Variants in PREX2 observed in about 807,000 individuals in gnomAD.
PREX2 encodes phosphatidylinositol-3,4,5-trisphosphate dependent Rac exchange factor 2, also known as phosphatidylinositol 3,4,5-trisphosphate-dependent Rac exchanger 2 protein.
In PREX2, 107 loss-of-function variants were observed where a neutral mutation model predicts 203.2. The ratio of observed to expected loss-of-function variants is 0.53; its 90% CI spans 0.45 to 0.62. PREX2 has a LOEUF of 0.62. Ranked by LOEUF, PREX2 falls within the 20% of genes least tolerant of loss-of-function variation. PREX2 has a pLI of 0.00. For synonymous variants in PREX2, 672 were observed against 663.6 expected, an observed-to-expected ratio of 1.01 and a Z score of -0.19; for missense variants, 1,777 against 1,955.9, an observed-to-expected ratio of 0.91 and a Z score of 1.72.
rs1227158413 is a variant in PREX2, at chr8:68,087,619, A to G, written c.2028-105A>G. 1.9e-4 allele frequency: 157 copies of G among 846,848 alleles called. No individual in the cohort carries two copies. The East Asian group carries it at 3.7e-3, about 20-fold the overall frequency. The allele number at this position is 846,848 out of a possible 1,614,324, so 52.5% of individuals were successfully genotyped here. On this transcript the variant is annotated intron_variant, in intron 18 of 39. Transcript: ENST00000288368. ...TAGCCCAACATCTTTCACACTGTAG[A>G]TCCTCAATATGTATTTATTGAGAGG...
chr8:68,034,812 C>T (rs1807982813), intron 6 of PREX2, among the ~76,000 whole-genome samples: 1 of 152,088 alleles, frequency 6.6e-6, no homozygotes, highest in East Asian at 1.9e-4. Flanking sequence ...TGTGAGTCTT[C>T]CAGAGCTTAG....
chr8:68,047,510 C>T (rs55822545), intron 8 of PREX2, among the ~76,000 whole-genome samples: 954 of 74,368 alleles, frequency 0.013, 31 homozygotes, highest in African/African-American at 0.037. Context: ...TATATATACA[C>T]ATACATATAT....
rs140825348 is a variant in PREX2 at position 68,184,903 on chromosome 8, G to C, written c.4347-6819G>C. 2.8e-4 allele frequency among the ~76,000 whole-genome samples: 43 copies of C among 152,252 alleles called. No individual in the cohort carries two copies. In the East Asian group the frequency reaches 7.5e-3, roughly 27 times the overall value. On this transcript the variant is annotated intron_variant, in intron 35 of 39. Transcript: ENST00000288368. ...GTGTGAAAAAGTGAGCATCCCTGGA[G>C]CACCAGCTTAACCCTATTGAGCTAG...
chr8:68,016,138 G>C (rs1377607547), intron 1 of PREX2, among the ~76,000 whole-genome samples: 1 of 152,064 alleles, frequency 6.6e-6, no homozygotes, highest in Non-Finnish European at 1.5e-5. Flanking sequence ...CATGCTTATA[G>C]CTAAATATTA....
intron 31 of PREX2, among the ~76,000 whole-genome samples, chr8:68,131,276 A>G (rs1302067883): frequency 6.6e-6 from 1 of 152,210 alleles, no homozygotes. Context: ...TTTGTTATTC[A>G]CTGTGAGATG....
chr8:68,030,484 T>C lies in PREX2; in HGVS notation c.544-13T>C. 6.2e-7 allele frequency: 1 copy of C among 1,610,682 alleles called. No individual in the cohort carries two copies. Among genetic ancestry groups the C allele is most frequent in the South Asian group, 1.1e-5 (1 of 90,750 alleles). Reference sequence around the variant, plus strand: ...AAGATCAAAGGGCGATTTGTTTTTTTGTGTATAAACAGGAGTTGCTGAAGC... The same window carrying C: ...AAGATCAAAGGGCGATTTGTTTTTTCGTGTATAAACAGGAGTTGCTGAAGC... On this transcript the variant is annotated splice_polypyrimidine_tract_variant and intron_variant, in intron 5 of 39. Coordinates refer to ENST00000288368, the MANE Select transcript of PREX2 (RefSeq NM_024870.4).
At chr8:67,992,754 G>A (rs921086341) in intron 1 of PREX2, among the ~76,000 whole-genome samples, 4 of 152,148 alleles carry the variant, frequency 2.6e-5, no homozygotes, top group African/African-American at 7.2e-5. Flanking sequence ...CTGTAGCAAC[G>A]GTGCAGATTC....
intron 33 of PREX2, among the ~76,000 whole-genome samples, chr8:68,145,846 C>T: frequency 6.6e-6 from 1 of 152,006 alleles, no homozygotes. Flanking sequence ...AAGAAGTATA[C>T]CCCAAGGACT....
At chr8:68,214,356 C>T (rs538562380) in intron 37 of PREX2, among the ~76,000 whole-genome samples, 14 of 152,180 alleles carry the variant, frequency 9.2e-5, no homozygotes, top group African/African-American at 2.6e-4. Flanking sequence ...GTTGGGATGG[C>T]GCCACTGCAT....
intron 4 of PREX2, among the ~76,000 whole-genome samples, chr8:68,022,467 G>A (rs1807599162): frequency 1.3e-5 from 2 of 152,224 alleles, no homozygotes; most frequent in South Asian, 4.1e-4. Flanking sequence ...TGCTGACAGA[G>A]CTGTAAGTAG....
At chr8:68,009,930 C>A (rs566557375) in intron 1 of PREX2, among the ~76,000 whole-genome samples, 1 of 152,244 alleles carries the variant, frequency 6.6e-6, no homozygotes, top group East Asian at 1.9e-4. Flanking sequence ...TTACTTCCAG[C>A]CTGTGTGCTT....
At chr8:68,058,355 T>C (rs570606447) in intron 10 of PREX2, among the ~76,000 whole-genome samples, 1 of 152,278 alleles carries the variant, frequency 6.6e-6, no homozygotes, top group East Asian at 1.9e-4. Context: ...AGTTAGTAAA[T>C]CTCACTATGT....
chr8:68,137,369 G>C (rs1811133629), intron 32 of PREX2, among the ~76,000 whole-genome samples: 1 of 152,086 alleles, frequency 6.6e-6, no homozygotes, highest in African/African-American at 2.4e-5. Context: ...CTGCGCTCAA[G>C]TGATCTTCCC....
Position 68,236,138 on chromosome 8 carries a change from A to C in PREX2, c.*4760A>C, listed in dbSNP as rs1326307194. ...CTTACTGTAAGCATCAGAGCTGTCC[A>C]ACCATGTGTAAATGTACCTGGTCTT... On this transcript the variant is annotated 3_prime_UTR_variant, in exon 40 of 40. Coordinates refer to ENST00000288368, the MANE Select transcript of PREX2 (RefSeq NM_024870.4). 1 of 152,110 alleles carries C rather than the reference A, an allele frequency of 6.6e-6. No homozygotes were observed. The highest frequency in any genetic ancestry group is 1.9e-4 in the East Asian group (1 of 5,198). The allele number at this position is 152,110 out of a possible 1,614,324, so 9.4% of individuals were successfully genotyped here.
intron 2 of PREX2, among the ~76,000 whole-genome samples, chr8:68,019,239 T>A (rs1807492771): frequency 1.3e-5 from 2 of 152,356 alleles, no homozygotes; most frequent in Middle Eastern, 3.4e-3. Flanking sequence ...GGAGCATAGA[T>A]GCCCTTTCCA....
At chr8:68,137,914 A>G (rs1811145538) in intron 32 of PREX2, among the ~76,000 whole-genome samples, 1 of 152,262 alleles carries the variant, frequency 6.6e-6, no homozygotes, top group African/African-American at 2.4e-5. Flanking sequence ...TTGGAAGCCA[A>G]ATAATCACAC....
At chr8:68,050,294 A>T (rs1357882872) in intron 8 of PREX2, among the ~76,000 whole-genome samples, 1 of 151,930 alleles carries the variant, frequency 6.6e-6, no homozygotes, top group East Asian at 1.9e-4. Flanking sequence ...TAAAGAAAAG[A>T]GGTTTAACTG....
At chr8:68,152,525 C>A (rs17376647) in intron 34 of PREX2, among the ~76,000 whole-genome samples, 1 of 151,962 alleles carries the variant, frequency 6.6e-6, no homozygotes, top group African/African-American at 2.4e-5. Context: ...GGTTTCACGA[C>A]GACTCAATGG....
intron 30 of PREX2, among the ~76,000 whole-genome samples, chr8:68,126,896 A>G (rs1169287979): frequency 6.6e-6 from 1 of 151,250 alleles, no homozygotes; most frequent in Non-Finnish European, 1.5e-5. Context: ...TAATATATAT[A>G]TACATATATA....
Sources: gnomAD v4.1 joint callset for allele counts (sites outside exome capture counted in the v4.1 genomes callset) on GRCh38, gnomAD v4.1.1 for gene constraint, MANE v1.5 for transcripts, NCBI Gene and HGNC (gene_info 2026-07-23, HGNC 2026-07-21) for gene names.